TXLNB: variants seen among roughly 807,000 people sequenced by gnomAD.
The protein encoded by TXLNB is beta-taxilin.
In TXLNB, 37 loss-of-function variants were observed where a neutral mutation model predicts 57.4. The observed-to-expected ratio is 0.64, with a 90% CI of 0.50 to 0.85. The LOEUF is 0.85. TXLNB is among the 40% of genes least tolerant of loss of function. The pLI, the probability that TXLNB is intolerant of heterozygous loss-of-function variation, is 0.00. For missense variants in TXLNB, 848 were observed against 825.6 expected (o/e 1.03, Z -0.33); for synonymous variants, 302 against 309.6 (o/e 0.98, Z 0.26).
the TXLNB span, among the ~76,000 whole-genome samples, chr6:139,312,690 A>T: frequency 2.6e-5 from 4 of 152,168 alleles, no homozygotes; most frequent in African/African-American, 9.7e-5. Flanking sequence ...TTGGATAAGG[A>T]TTATTTTAAG....
chr6:139,311,829 A>G, the TXLNB span, among the ~76,000 whole-genome samples: 1 of 152,214 alleles, frequency 6.6e-6, no homozygotes, highest in African/African-American at 2.4e-5. Flanking sequence ...ACAAACATTT[A>G]TTACTCTCAG....
chr6:139,277,927 C>T (rs1274800595), intron 2 of TXLNB, among the ~76,000 whole-genome samples: 1 of 152,178 alleles, frequency 6.6e-6, no homozygotes, highest in African/African-American at 2.4e-5. Flanking sequence ...AGAGTACTTG[C>T]TTTCATCTTG....
the TXLNB span, among the ~76,000 whole-genome samples, chr6:139,191,102 T>C: frequency 1.0e-5 from 1 of 96,204 alleles, no homozygotes; most frequent in Admixed American, 9.5e-5. Context: ...AAATGAAGTT[T>C]AATTTTTTTT....
chr6:139,163,478 C>T, the TXLNB span, among the ~76,000 whole-genome samples: 3 of 152,088 alleles, frequency 2.0e-5, no homozygotes, highest in East Asian at 1.9e-4. Flanking sequence ...CTCAGCCTCC[C>T]GAGTAGCTGG....
chr6:139,205,455 C>T, the TXLNB span, among the ~76,000 whole-genome samples: 1 of 151,906 alleles, frequency 6.6e-6, no homozygotes, highest in Admixed American at 6.6e-5. Flanking sequence ...GAAAAATTTT[C>T]CAGAGAAATA....
At chr6:139,254,905 G>A (rs1034653589) in intron 7 of TXLNB, among the ~76,000 whole-genome samples, 6 of 151,530 alleles carry the variant, frequency 4.0e-5, no homozygotes, top group South Asian at 2.1e-4. Flanking sequence ...TGCAGCCTCC[G>A]CCTCCTGAGT....
chr6:139,236,669 C>T (rs904875619), downstream of TXLNB, among the ~76,000 whole-genome samples: 1 of 152,120 alleles, frequency 6.6e-6, no homozygotes, highest in Non-Finnish European at 1.5e-5. Flanking sequence ...TGTATTTCTT[C>T]ATAGCAGTGT....
At chr6:139,308,046 G>A in the TXLNB span, among the ~76,000 whole-genome samples, 7 of 98,084 alleles carry the variant, frequency 7.1e-5, no homozygotes, top group East Asian at 1.8e-3. Context: ...TTCTGCATGC[G>A]AGATTTCAGA....
At chr6:139,201,913 T>G in the TXLNB span, 14 of 152,244 alleles carry the variant, frequency 9.2e-5, no homozygotes, top group Middle Eastern at 3.2e-3. Flanking sequence ...CGGGGAAAAT[T>G]AACTGCTTCC....
In TXLNB at chr6:139,285,796, G is replaced by T. The variant is rs568714695; in HGVS notation, c.424+2680C>A. ...CTCCATACCAAGGTGTTCTGCAGCA[G>T]ATATCTCCAACCCTCAGGCCACGGA... On this transcript the variant is annotated intron_variant, in intron 2 of 9. Transcript: ENST00000358430. 1.4e-5 allele frequency among the ~76,000 whole-genome samples: 2 copies of T among 145,372 alleles called. 1 individual carries two copies. The highest frequency in any genetic ancestry group is 4.0e-4 in the East Asian group (2 of 5,006).
chr6:139,217,884 A>AG, the TXLNB span, among the ~76,000 whole-genome samples: 3 of 151,578 alleles, frequency 2.0e-5, no homozygotes, highest in African/African-American at 7.3e-5. Context: ...AAAAAAAAAA[A>AG]AAAGAAAAAG....
intron 2 of TXLNB, among the ~76,000 whole-genome samples, chr6:139,280,131 A>G (rs1441350280): frequency 6.6e-6 from 1 of 152,000 alleles, no homozygotes; most frequent in East Asian, 1.9e-4. Context: ...ACATGCCTGT[A>G]ATCCCAGCTA....
At chr6:139,253,565 G>C (rs1045301397) in intron 7 of TXLNB, among the ~76,000 whole-genome samples, 5 of 152,110 alleles carry the variant, frequency 3.3e-5, no homozygotes, top group African/African-American at 1.2e-4. Context: ...CAGCTTCTCG[G>C]TAAAAGAGCC....
At chr6:139,284,547 T>A (rs1777128901) in intron 2 of TXLNB, among the ~76,000 whole-genome samples, 1 of 144,368 alleles carries the variant, frequency 6.9e-6, no homozygotes, top group African/African-American at 2.6e-5. Flanking sequence ...AGTAAATAAA[T>A]AAAAATAAAT....
the TXLNB span, among the ~76,000 whole-genome samples, chr6:139,212,143 C>G: frequency 6.6e-6 from 1 of 152,152 alleles, no homozygotes; most frequent in African/African-American, 2.4e-5. Flanking sequence ...CAAAGATACT[C>G]CTCGAGAAGA....
rs977568131 is a variant in TXLNB at position 139,240,517 on chromosome 6, A to G, written c.*2009T>C. On this transcript the variant is annotated 3_prime_UTR_variant, in exon 10 of 10. Coordinates refer to ENST00000358430, the MANE Select transcript of TXLNB (RefSeq NM_153235.4). ...TCAGACTGAGACTTTACTATGACTAATCTTACTCCATTCTTGGACGTTCTG... is the reference window on the plus strand; with the variant it reads ...TCAGACTGAGACTTTACTATGACTAGTCTTACTCCATTCTTGGACGTTCTG... 2 of 152,650 alleles carry G rather than the reference A, an allele frequency of 1.3e-5. No homozygotes were observed. The highest frequency in any genetic ancestry group is 4.8e-5 in the African/African-American group (2 of 41,452). 9.5% of individuals were successfully genotyped at this position (152,650 alleles called of 1,614,324 possible).
At chr6:139,244,001 C>A (rs74971326) in intron 9 of TXLNB, among the ~76,000 whole-genome samples, 12,826 of 152,056 alleles carry the variant, frequency 0.084, 585 homozygotes, top group Middle Eastern at 0.11. Flanking sequence ...TTTTCCCCCA[C>A]TCGTTATACA....
At chr6:139,239,853 C>T (rs182435793), downstream of TXLNB, among the ~76,000 whole-genome samples, 9 of 151,280 alleles carry the variant, frequency 5.9e-5, no homozygotes, top group Admixed American at 4.6e-4. The surrounding 1 kb of genome is among the most constrained non-coding windows in gnomAD (Gnocchi z 4.7). Flanking sequence ...CTCTCTCTGT[C>T]TCTCTCTGTC....
intron 9 of TXLNB, among the ~76,000 whole-genome samples, chr6:139,244,208 C>T (rs1776020355): frequency 6.6e-6 from 1 of 152,178 alleles, no homozygotes; most frequent in Admixed American, 6.5e-5. Context: ...GGTGTCTTCT[C>T]GCAGTATGTT....
Sources: allele counts gnomAD v4.1 joint callset (sites outside exome capture counted in the v4.1 genomes callset), GRCh38; gene constraint gnomAD v4.1.1; non-coding constraint Gnocchi (gnomAD v3.1); transcripts MANE v1.5; gene names NCBI Gene and HGNC (gene_info 2026-07-23, HGNC 2026-07-21).